Variants in ZNF423 observed in about 807,000 individuals in gnomAD.
ZNF423 encodes the protein zinc finger protein 423, also known as Ebf-associated zinc finger protein.
In ZNF423, 12 loss-of-function variants were observed where a neutral mutation model predicts 95.8. The observed-to-expected ratio is 0.13, with a 90% confidence interval of 0.08 to 0.20. The LOEUF (loss-of-function observed/expected upper bound fraction) is 0.20. Ranked by LOEUF, ZNF423 falls within the 10% of genes least tolerant of loss-of-function variation. The probability of loss-of-function intolerance (pLI) is 1.00; values close to 1 mark genes in which losing one functional copy is unlikely to be tolerated. For missense variants in ZNF423, 1,316 were observed against 1,737.1 expected, an observed-to-expected ratio of 0.76 and a Z score of 4.31; for synonymous variants, 749 against 711.9, an observed-to-expected ratio of 1.05 and a Z score of -0.83.
chr16:49,613,885 T>A (rs1220359561), intron 5 of ZNF423, among the ~76,000 whole-genome samples: 1 of 141,952 alleles, frequency 7.0e-6, no homozygotes, highest in East Asian at 2.1e-4. Context: ...TATAAAACTT[T>A]CAGGAAAAAA....
At chr16:49,799,332 T>C (rs1200031296) in intron 1 of ZNF423, among the ~76,000 whole-genome samples, 3 of 152,218 alleles carry the variant, frequency 2.0e-5, no homozygotes, top group African/African-American at 7.2e-5. Flanking sequence ...CCTGGCTGGC[T>C]GCTGAGGTTT....
chr16:49,774,508 C>T (rs1454710437), intron 2 of ZNF423, among the ~76,000 whole-genome samples: 2 of 152,128 alleles, frequency 1.3e-5, no homozygotes, highest in South Asian at 2.1e-4. Context: ...AGTGGGTGAT[C>T]GTGCGTGCAT....
chr16:49,713,773 C>G (rs753203916), intron 3 of ZNF423, among the ~76,000 whole-genome samples: 1 of 152,130 alleles, frequency 6.6e-6, no homozygotes, highest in Non-Finnish European at 1.5e-5. Flanking sequence ...AAAAGGCATT[C>G]GAGGAAGCAG....
intron 3 of ZNF423, among the ~76,000 whole-genome samples, chr16:49,694,232 G>A (rs2031889586): frequency 6.6e-6 from 1 of 152,184 alleles, no homozygotes; most frequent in Non-Finnish European, 1.5e-5. Flanking sequence ...TGAATTCCCA[G>A]AGATCAAAAC....
intron 2 of ZNF423, among the ~76,000 whole-genome samples, chr16:49,759,034 C>G (rs185864970): frequency 2.6e-5 from 4 of 152,304 alleles, no homozygotes; most frequent in African/African-American, 9.6e-5. Context: ...TCTACATTGA[C>G]TTTGTGGGTT....
chr16:49,505,055 AG>A lies in ZNF423; in HGVS notation c.3850-13752del, dbSNP rs1967576306. On this transcript the variant is annotated intron_variant, in intron 7 of 7. Coordinates refer to ENST00000563137, the MANE Select transcript of ZNF423 (RefSeq NM_001379286.1). ...ACACCTACACATGACATGTTTTGCC[AG>A]GTTGGAAAAAAATAAGTGGGAGAAA... Among the ~76,000 whole-genome samples the A allele has an allele frequency of 5.3e-5, 8 of 152,354 alleles. No individual in the cohort carries two copies. In the South Asian group the frequency reaches 1.2e-3, roughly 24 times the overall value.
In ZNF423 at chr16:49,637,590, T is replaced by C. The variant is rs1446034665; in HGVS notation, c.1586A>G (p.Gln529Arg). The part of the protein sequence containing the change: ...SDGNNAFFCN[Q>R]CSMGFLTESS... The stretch of plus-strand genomic sequence containing the variant: ...CTCAGTAAGGAAACCCATGGAGCAC[T>C]GGTTGCAGAAGAAAGCATTATTACC... Residue 529 changes from glutamine (Q) to arginine (R), a missense_variant, in exon 4 of 8, where the codon CAG becomes CGG. Physicochemically the swap from Gln to Arg is conservative, Grantham distance 43. Around this residue, in one of 6 missense-constraint regions of ZNF423, gnomAD observed 399 missense variants for 478.5 expected, o/e 0.83. Transcript: ENST00000563137. The surrounding 1 kb of genome is among the most constrained non-coding windows in gnomAD (Gnocchi z 5.6). 2.5e-6 allele frequency: 4 copies of C among 1,613,998 alleles called. No individual in the cohort carries two copies.
At chr16:49,831,304 C>A (rs2035058694) in intron 1 of ZNF423, among the ~76,000 whole-genome samples, 1 of 152,122 alleles carries the variant, frequency 6.6e-6, no homozygotes, top group East Asian at 1.9e-4. Flanking sequence ...TCTCTCTTTA[C>A]TTATTTTATC....
At chr16:49,763,478 C>A (rs1341008659) in intron 2 of ZNF423, among the ~76,000 whole-genome samples, 1 of 152,026 alleles carries the variant, frequency 6.6e-6, no homozygotes. Flanking sequence ...TTTTGCCTTG[C>A]TGGACAGCAA....
At chr16:49,800,894 C>A (rs928539408) in intron 1 of ZNF423, among the ~76,000 whole-genome samples, 12 of 152,170 alleles carry the variant, frequency 7.9e-5, no homozygotes, top group Non-Finnish European at 1.6e-4. Context: ...AAAAGGGGAG[C>A]CGTGAACACC....
intron 5 of ZNF423, among the ~76,000 whole-genome samples, chr16:49,619,177 C>T (rs1315903708): frequency 6.6e-6 from 1 of 152,162 alleles, no homozygotes; most frequent in Non-Finnish European, 1.5e-5. Context: ...GGGCAACATG[C>T]CTGTCCTCTG....
chr16:49,730,366 C>T (rs2033132411), intron 3 of ZNF423, among the ~76,000 whole-genome samples: 1 of 152,170 alleles, frequency 6.6e-6, no homozygotes, highest in African/African-American at 2.4e-5. Context: ...TTCCTCATCC[C>T]ATCAGAAGCT....
At chr16:49,670,183 G>A (rs1451651975) in intron 3 of ZNF423, among the ~76,000 whole-genome samples, 1 of 152,202 alleles carries the variant, frequency 6.6e-6, no homozygotes, top group Non-Finnish European at 1.5e-5. Context: ...GGTGACATTG[G>A]AAGGGGAAAG....
intron 2 of ZNF423, among the ~76,000 whole-genome samples, chr16:49,752,842 C>T (rs1051456842): frequency 1.3e-5 from 2 of 152,214 alleles, no homozygotes; most frequent in East Asian, 3.9e-4. Flanking sequence ...TCCTCACCCA[C>T]TCAACAAGTC....
chr16:49,619,450 A>G (rs1018803273), intron 5 of ZNF423, among the ~76,000 whole-genome samples: 2 of 152,196 alleles, frequency 1.3e-5, no homozygotes, highest in African/African-American at 4.8e-5. Flanking sequence ...TGGATTCTCC[A>G]TAGACCTAAA....
At chr16:49,826,456 C>T (rs921723197) in intron 1 of ZNF423, among the ~76,000 whole-genome samples, 1 of 152,174 alleles carries the variant, frequency 6.6e-6, no homozygotes, top group East Asian at 1.9e-4. Context: ...CATCTTCAAC[C>T]TTAACTCCTG....
At chr16:49,796,468 C>A (rs999671421) in intron 1 of ZNF423, among the ~76,000 whole-genome samples, 3 of 152,198 alleles carry the variant, frequency 2.0e-5, no homozygotes, top group African/African-American at 7.2e-5. Context: ...AAGGTGAAAG[C>A]TGGGCATGGG....
intron 2 of ZNF423, among the ~76,000 whole-genome samples, chr16:49,781,810 A>G (rs2034217880): frequency 6.6e-6 from 1 of 152,212 alleles, no homozygotes; most frequent in Non-Finnish European, 1.5e-5. Flanking sequence ...ACCCAGAACC[A>G]GGCTAAAAGA....
chr16:49,844,238 C>T (rs756264234), intron 1 of ZNF423, among the ~76,000 whole-genome samples: 1 of 152,024 alleles, frequency 6.6e-6, no homozygotes, highest in African/African-American at 2.4e-5. Context: ...GCTATGATAA[C>T]ATCAATGTAC....
Sources: gnomAD v4.1 joint callset for allele counts (sites outside exome capture counted in the v4.1 genomes callset) on GRCh38, gnomAD v4.1.1 for gene constraint, gnomAD v4.1.1 regional missense constraint, Gnocchi (gnomAD v3.1) non-coding constraint, MANE v1.5 for transcripts, NCBI Gene and HGNC (gene_info 2026-07-23, HGNC 2026-07-21) for gene names.